ARHGAP15: variants seen among roughly 807,000 people sequenced by gnomAD.
ARHGAP15 encodes the protein rho GTPase-activating protein 15.
In ARHGAP15, 51 loss-of-function variants were observed where a neutral mutation model predicts 63.7. The ratio of observed to expected loss-of-function variants is 0.80; its 90% confidence interval spans 0.64 to 1.01. The LOEUF is 1.01. Among genes scored for constraint, ARHGAP15 ranks in the 50% least tolerant of loss-of-function variants. The pLI, the probability that ARHGAP15 is intolerant of heterozygous loss-of-function variation, is 0.00. For missense variants in ARHGAP15, 560 were observed against 564.6 expected, an observed-to-expected ratio of 0.99 and a Z score of 0.08; for synonymous variants, 191 against 193.8, an observed-to-expected ratio of 0.99 and a Z score of 0.12.
At chr2:143,675,125 C>T (rs1559119748) in intron 12 of ARHGAP15, among the ~76,000 whole-genome samples, 1 of 152,214 alleles carries the variant, frequency 6.6e-6, no homozygotes, top group East Asian at 1.9e-4. Flanking sequence ...ACAGTTTTCA[C>T]AGTATCTTCA....
At chr2:143,163,993 AGCCTCTGCTTC>A (rs1211572460) in intron 2 of ARHGAP15, among the ~76,000 whole-genome samples, 1 of 152,062 alleles carries the variant, frequency 6.6e-6, no homozygotes, top group African/African-American at 2.4e-5. Context: ...ACGGTTGATT[AGCCTCTGCTTC>A]GGAGGTCAAG....
Position 143,294,228 on chromosome 2 carries a change from T to C in ARHGAP15, c.474+43628T>C, listed in dbSNP as rs543018941. On this transcript the variant is annotated intron_variant, in intron 6 of 13. Transcript: ENST00000295095. ...AACCTATTATGCAAGCGTAACCTAA[T>C]GTTCTTTGAATATAAGCACTAGGTA... Among the ~76,000 whole-genome samples, 21 of 152,158 alleles carry C rather than the reference T, an allele frequency of 1.4e-4. No individual in the cohort carries two copies. The South Asian group carries it at 4.1e-3, about 30-fold the overall frequency.
rs765609771 is a variant in ARHGAP15, at chr2:143,228,652, A to C, written c.368A>C (p.Gln123Pro). The change falls in exon 5 of 14, where the codon CAG (glutamine) becomes CCG (proline). Residue 123 changes from glutamine (Q) to proline (P), a missense_variant. Coordinates refer to ENST00000295095, the MANE Select transcript of ARHGAP15 (RefSeq NM_018460.4). ...GAATTTTACAAAGAATCCAAGCAACAGGCTCTGTCCAATATGGTAAGTAAT... is the reference window on the plus strand; with the variant it reads ...GAATTTTACAAAGAATCCAAGCAACCGGCTCTGTCCAATATGGTAAGTAAT... ...RIEFYKESKQ[Q>P]ALSNMKTGHK... The C allele has an allele frequency of 1.2e-6, 2 of 1,602,948 alleles. No individual in the cohort carries two copies. The highest frequency in any genetic ancestry group is 1.7e-6 in the Non-Finnish European group (2 of 1,173,708).
chr2:143,544,957 C>T (rs1259020148), intron 10 of ARHGAP15, among the ~76,000 whole-genome samples: 1 of 152,200 alleles, frequency 6.6e-6, no homozygotes, highest in Admixed American at 6.5e-5. Flanking sequence ...AATGTCTCAG[C>T]TTCATCCACT....
intron 12 of ARHGAP15, among the ~76,000 whole-genome samples, chr2:143,654,668 C>T (rs955940512): frequency 2.0e-5 from 3 of 152,166 alleles, no homozygotes; most frequent in African/African-American, 7.2e-5. Context: ...GGTTGACTGA[C>T]ATTTCTAGTG....
chr2:143,758,728 ATGTTT>A (rs1686663687), intron 13 of ARHGAP15, among the ~76,000 whole-genome samples: 1 of 152,146 alleles, frequency 6.6e-6, no homozygotes, highest in Non-Finnish European at 1.5e-5. Flanking sequence ...CCCACATGTT[ATGTTT>A]TAAGGAAAAA....
chr2:143,159,818 A>G (rs1690221337), intron 2 of ARHGAP15, among the ~76,000 whole-genome samples: 1 of 151,936 alleles, frequency 6.6e-6, no homozygotes, highest in African/African-American at 2.4e-5. Context: ...AGCCATTTCT[A>G]AAATTGTTTT....
intron 6 of ARHGAP15, among the ~76,000 whole-genome samples, chr2:143,339,614 C>T (rs1293082825): frequency 6.6e-6 from 1 of 152,082 alleles, no homozygotes; most frequent in African/African-American, 2.4e-5. Flanking sequence ...GAAGTCAGTT[C>T]CTACCTATTT....
chr2:143,249,738 T>C (rs1398202455), intron 5 of ARHGAP15, among the ~76,000 whole-genome samples: 1 of 152,104 alleles, frequency 6.6e-6, no homozygotes, highest in Non-Finnish European at 1.5e-5. Flanking sequence ...CAAATGTGGG[T>C]GATATTCCTA....
At position 143,155,469 on chromosome 2, in the gene ARHGAP15, T is replaced by A; in HGVS notation, c.-14-8T>A. The stretch of plus-strand genomic sequence containing the variant: ...TAGAATAACATAATACATTTTATAT[T>A]TTATCAGGATAGCACTATAATATGC... On this transcript the variant is annotated splice_region_variant and splice_polypyrimidine_tract_variant and intron_variant, in intron 1 of 13. Transcript: ENST00000295095. 2 of 1,569,444 alleles carry A rather than the reference T, an allele frequency of 1.3e-6. No individual in the cohort carries two copies. Among genetic ancestry groups the A allele is most frequent in the Non-Finnish European group, 1.7e-6 (2 of 1,163,958 alleles).
intron 13 of ARHGAP15, among the ~76,000 whole-genome samples, chr2:143,723,770 G>A (rs750101692): frequency 1.3e-4 from 20 of 152,182 alleles, no homozygotes; most frequent in Non-Finnish European, 2.4e-4. Context: ...ACTGACTTCC[G>A]TTTTAAAGGA....
intron 12 of ARHGAP15, among the ~76,000 whole-genome samples, chr2:143,655,465 T>C (rs1445977501): frequency 6.6e-6 from 1 of 152,214 alleles, no homozygotes; most frequent in African/African-American, 2.4e-5. Flanking sequence ...AATTTTCTCA[T>C]CTTTAGAATG....
intron 8 of ARHGAP15, among the ~76,000 whole-genome samples, chr2:143,468,451 G>A (rs569696513): frequency 6.6e-6 from 1 of 152,108 alleles, no homozygotes; most frequent in South Asian, 2.1e-4. Context: ...ACTGGTTCCA[G>A]GGTTTCATAA....
chr2:143,274,877 C>T (rs918075174), intron 6 of ARHGAP15, among the ~76,000 whole-genome samples: 5 of 152,078 alleles, frequency 3.3e-5, no homozygotes, highest in African/African-American at 1.2e-4. Flanking sequence ...TCAAACTCTT[C>T]TGTGCAATGA....
At chr2:143,307,695 C>T (rs967497122) in intron 6 of ARHGAP15, among the ~76,000 whole-genome samples, 1 of 152,014 alleles carries the variant, frequency 6.6e-6, no homozygotes, top group Non-Finnish European at 1.5e-5. Flanking sequence ...TTTCAAATAC[C>T]TACTGTTTGG....
intron 10 of ARHGAP15, among the ~76,000 whole-genome samples, chr2:143,544,452 A>G (rs1214552331): frequency 6.6e-6 from 1 of 152,226 alleles, no homozygotes; most frequent in East Asian, 1.9e-4. Flanking sequence ...TGTTCACAAG[A>G]GTAATATATA....
intron 12 of ARHGAP15, among the ~76,000 whole-genome samples, chr2:143,650,168 G>C (rs1681091004): frequency 6.6e-6 from 1 of 151,812 alleles, no homozygotes; most frequent in East Asian, 1.9e-4. Flanking sequence ...AGAGATAGAT[G>C]CTGGGACTAT....
chr2:143,528,076 A>T (rs564003046), intron 10 of ARHGAP15, among the ~76,000 whole-genome samples: 1 of 152,154 alleles, frequency 6.6e-6, no homozygotes, highest in South Asian at 2.1e-4. Flanking sequence ...CGATTTTTGG[A>T]TACTCCATTT....
intron 6 of ARHGAP15, among the ~76,000 whole-genome samples, chr2:143,322,658 C>A (rs953069486): frequency 2.0e-5 from 3 of 152,140 alleles, no homozygotes; most frequent in South Asian, 2.1e-4. Context: ...ATGGGAAAAA[C>A]CAAAAGTCAG....
Sources: allele counts gnomAD v4.1 joint callset (sites outside exome capture counted in the v4.1 genomes callset), GRCh38; gene constraint gnomAD v4.1.1; transcripts MANE v1.5; gene names NCBI Gene and HGNC (gene_info 2026-07-23, HGNC 2026-07-21).